Variants in ABCC4 observed in about 807,000 individuals in gnomAD.
The protein encoded by ABCC4 is ATP-binding cassette sub-family C member 4.
In ABCC4, 102 loss-of-function variants were observed where a neutral mutation model predicts 168.5. That is an observed-to-expected ratio of 0.61 (90% CI 0.52 to 0.71). The LOEUF (loss-of-function observed/expected upper bound fraction) is 0.71. Ranked by LOEUF, ABCC4 falls within the 30% of genes least tolerant of loss-of-function variation. The pLI, the probability that ABCC4 is intolerant of heterozygous loss-of-function variation, is 0.00. For missense variants in ABCC4, 1,402 were observed against 1,605.8 expected, an observed-to-expected ratio of 0.87 and a Z score of 2.17; for synonymous variants, 617 against 590.7, an observed-to-expected ratio of 1.04 and a Z score of -0.65.
chr13:95,189,318 A>G, intron 9 of ABCC4, among the ~76,000 whole-genome samples: 1 of 150,666 alleles, frequency 6.6e-6, no homozygotes. Flanking sequence ...TATTTTTAGT[A>G]GAGACGGGGT....
At chr13:95,172,931 G>A (rs994178040) in intron 13 of ABCC4, among the ~76,000 whole-genome samples, 3 of 152,130 alleles carry the variant, frequency 2.0e-5, no homozygotes, top group African/African-American at 7.2e-5. Context: ...AAGGAAGGAA[G>A]GGATGGAGGG....
intron 4 of ABCC4, among the ~76,000 whole-genome samples, chr13:95,218,985 G>GAAAAAA (rs1431739821): frequency 4.3e-5 from 1 of 23,448 alleles, no homozygotes; most frequent in Non-Finnish European, 1.2e-4. Context: ...AAGAAAGAAA[G>GAAAAAA]AGTGAGAAAG....
chr13:95,032,130 A>T (rs9590164), intron 30 of ABCC4, among the ~76,000 whole-genome samples: 28 of 152,340 alleles, frequency 1.8e-4, no homozygotes, highest in African/African-American at 6.0e-4. Flanking sequence ...CAGTGCTTCA[A>T]GTACAGCTTC....
At chr13:95,163,525 C>A in intron 17 of ABCC4, 85 bp downstream of exon 17, 1 of 1,257,968 alleles carries the variant, frequency 7.9e-7, no homozygotes, top group Non-Finnish European at 1.1e-6. Flanking sequence ...GAAGGATCAA[C>A]AAACACCTCC....
intron 29 of ABCC4, among the ~76,000 whole-genome samples, chr13:95,040,199 G>GCT (rs1566364295): frequency 1.3e-5 from 2 of 152,178 alleles, no homozygotes; most frequent in East Asian, 3.8e-4. Flanking sequence ...CTTCCCCAAA[G>GCT]CTCTGCAATT....
chr13:95,113,538 T>A (rs1394542555), intron 20 of ABCC4, among the ~76,000 whole-genome samples: 2 of 151,542 alleles, frequency 1.3e-5, no homozygotes, highest in Admixed American at 1.3e-4. Context: ...CTGGGCTGTT[T>A]TCATCCTTAC....
At chr13:95,181,974 A>C (rs575517375) in intron 11 of ABCC4, among the ~76,000 whole-genome samples, 1 of 152,212 alleles carries the variant, frequency 6.6e-6, no homozygotes, top group Admixed American at 6.5e-5. Context: ...TTTAAAAAAA[A>C]AGACAGGGTC....
intron 27 of ABCC4, among the ~76,000 whole-genome samples, chr13:95,046,637 G>A (rs1239923661): frequency 6.6e-6 from 1 of 151,962 alleles, no homozygotes; most frequent in Non-Finnish European, 1.5e-5. Context: ...GCATGGTGGC[G>A]GGCACTTGTA....
chr13:95,095,699 A>G (rs1222270091), intron 20 of ABCC4: 1 of 152,614 alleles, frequency 6.6e-6, no homozygotes, highest in Non-Finnish European at 1.5e-5. Flanking sequence ...AAACTAACAA[A>G]TAAATAAATA....
At chr13:95,225,145 TCTCTCTCTCACACACA>T (rs1337920450) in intron 4 of ABCC4, among the ~76,000 whole-genome samples, 1 of 45,146 alleles carries the variant, frequency 2.2e-5, no homozygotes, top group African/African-American at 9.9e-5. Context: ...TGTCTGTCTC[TCTCTCTCTCACACACA>T]CACACACACA....
chr13:95,020,506 T>C lies in ABCC4; in HGVS notation c.*1069A>G, dbSNP rs1482443466. The C allele has an allele frequency of 6.6e-6, 1 of 152,458 alleles. No homozygotes were observed. The highest frequency in any genetic ancestry group is 1.5e-5 in the Non-Finnish European group (1 of 68,034). 9.4% of individuals were successfully genotyped at this position (152,458 alleles called of 1,614,324 possible). ...ATTCAACAGAAAGCCCAAATGACAA[T>C]GCTATTAGTGGTCAGGAGTAAACTA... On this transcript the variant is annotated 3_prime_UTR_variant, in exon 31 of 31. Coordinates refer to ENST00000645237, the MANE Select transcript of ABCC4 (RefSeq NM_005845.5).
At chr13:95,054,020 CCTTTTTTTTTTTTTTTTTTTTT>C in intron 26 of ABCC4, 1 of 73,186 alleles carries the variant, frequency 1.4e-5, no homozygotes, top group South Asian at 4.2e-4. Flanking sequence ...AATGGGACAT[CCTTTTTTTTTTTTTTTTTTTTT>C]TTTTTTTTTT....
chr13:95,268,884 G>A lies in ABCC4; in HGVS notation c.75-21131C>T, dbSNP rs796995431. ...GCGGGTTCTCCGTATTCTGAGCGGC[G>A]GTCCCCTGGGCCCACTTTTCTTTCT... On this transcript the variant is annotated intron_variant, in intron 1 of 30. Transcript: ENST00000645237. Among the ~76,000 whole-genome samples, 24 of 152,118 alleles carry A rather than the reference G, an allele frequency of 1.6e-4. No individual in the cohort carries two copies. In the East Asian group the frequency reaches 2.7e-3, roughly 17 times the overall value.
chr13:95,064,566 G>A (rs1189590389), intron 25 of ABCC4, among the ~76,000 whole-genome samples: 5 of 151,620 alleles, frequency 3.3e-5, no homozygotes, highest in African/African-American at 9.7e-5. Context: ...AAATCAGCAC[G>A]TATCTAGACA....
chr13:95,120,428 G>A (rs541547308), intron 19 of ABCC4, among the ~76,000 whole-genome samples: 34 of 152,092 alleles, frequency 2.2e-4, no homozygotes, highest in East Asian at 9.7e-4. Context: ...TTAGGTGGGC[G>A]TGGTGGTGGG....
chr13:95,157,295 A>G (rs149151604), intron 19 of ABCC4, among the ~76,000 whole-genome samples: 1,068 of 151,546 alleles, frequency 7.0e-3, no homozygotes, highest in Non-Finnish European at 0.012. Context: ...CTATCTCAGT[A>G]CCAATAGGAG....
chr13:95,149,171 T>G (rs1257536273), intron 19 of ABCC4, among the ~76,000 whole-genome samples: 1 of 152,222 alleles, frequency 6.6e-6, no homozygotes, highest in East Asian at 1.9e-4. Flanking sequence ...TCAACAACTA[T>G]TTATTTAATC....
At chr13:95,032,889 C>T (rs2031944318) in intron 30 of ABCC4, among the ~76,000 whole-genome samples, 1 of 149,790 alleles carries the variant, frequency 6.7e-6, no homozygotes, top group African/African-American at 2.5e-5. Flanking sequence ...GTCTTTATCT[C>T]TTGACCTTGT....
intron 1 of ABCC4, among the ~76,000 whole-genome samples, chr13:95,273,457 G>T (rs4148426): frequency 6.6e-6 from 1 of 152,050 alleles, no homozygotes; most frequent in Non-Finnish European, 1.5e-5. Flanking sequence ...GCAGACTCAG[G>T]GTGTGCCACC....
Sources: gnomAD v4.1 joint callset for allele counts (sites outside exome capture counted in the v4.1 genomes callset) on GRCh38, gnomAD v4.1.1 for gene constraint, MANE v1.5 for transcripts, NCBI Gene and HGNC (gene_info 2026-07-23, HGNC 2026-07-21) for gene names.